Variants in GRIK4 observed in about 807,000 individuals in gnomAD.
GRIK4 encodes glutamate receptor ionotropic, kainate 4.
Under a neutral mutation model 104.9 loss-of-function variants are expected in GRIK4, and 40 were observed. The ratio of observed to expected loss-of-function variants is 0.38; its 90% CI spans 0.30 to 0.50. The LOEUF (loss-of-function observed/expected upper bound fraction) is 0.50, where lower values mean the gene tolerates loss of function less well. GRIK4 is among the 20% of genes least tolerant of loss of function. The probability of loss-of-function intolerance (pLI) is 0.93; values close to 1 mark genes in which losing one functional copy is unlikely to be tolerated. For synonymous variants in GRIK4, 485 were observed against 524.9 expected, an observed-to-expected ratio of 0.92 and a Z score of 1.04; for missense variants, 1,047 against 1,308.1, an observed-to-expected ratio of 0.80 and a Z score of 3.08.
At position 120,770,676 on chromosome 11, in the gene GRIK4, C is replaced by G. The variant is rs183454613; in HGVS notation, c.83-32017C>G. Among the ~76,000 whole-genome samples, 249 of 152,300 alleles carry G rather than the reference C, an allele frequency of 1.6e-3. 1 individual carries two copies. Among genetic ancestry groups the G allele is most frequent in the African/African-American group, 5.7e-3 (237 of 41,572 alleles). ...AGTGCCATGGTCTCAATGTTTGTGT[C>G]TGCCCCGCCCCTGCCAAACTCATGT... On this transcript the variant is annotated intron_variant, in intron 3 of 20. Coordinates refer to ENST00000527524, the MANE Select transcript of GRIK4 (RefSeq NM_014619.5).
At chr11:120,751,857 C>G (rs181931687) in intron 3 of GRIK4, among the ~76,000 whole-genome samples, 2 of 152,260 alleles carry the variant, frequency 1.3e-5, no homozygotes, top group East Asian at 3.9e-4. Flanking sequence ...GGAAGCTTCT[C>G]CCGGTGAAGG....
chr11:120,874,366 C>T (rs1954711266), intron 10 of GRIK4, 148 bp downstream of exon 10: 3 of 636,832 alleles, frequency 4.7e-6, no homozygotes, highest in Admixed American at 2.8e-5. Flanking sequence ...TCTGGTGACC[C>T]CAGTTGAATG....
At chr11:120,817,372 G>A (rs901764712) in intron 5 of GRIK4, among the ~76,000 whole-genome samples, 2 of 152,292 alleles carry the variant, frequency 1.3e-5, no homozygotes, top group South Asian at 2.1e-4. Context: ...GTGGCCAGAC[G>A]CTTACCCGCC....
Position 120,623,933 on chromosome 11 carries a change from C to T in GRIK4, c.-158-29752C>T, listed in dbSNP as rs79099875. On this transcript the variant is annotated intron_variant, in intron 1 of 20. Transcript: ENST00000527524. ...CTCTGGGCCCTCCCCGTTCCTCCTC[C>T]TCCTCCTCTTCCCCCTTACTCTTCT... 3.8e-4 allele frequency among the ~76,000 whole-genome samples: 57 copies of T among 151,868 alleles called. No individual in the cohort carries two copies. In the East Asian group the frequency reaches 0.011, roughly 29 times the overall value.
At position 120,940,105 on chromosome 11, in the gene GRIK4, T is replaced by A. The variant is rs182645366; in HGVS notation, c.1477-242T>A. Among the ~76,000 whole-genome samples, 159 of 152,328 alleles carry A rather than the reference T, an allele frequency of 1.0e-3. No individual in the cohort carries two copies. Among genetic ancestry groups the A allele is most frequent in the African/African-American group, 2.8e-3 (116 of 41,574 alleles). On this transcript the variant is annotated intron_variant, in intron 13 of 20. Transcript: ENST00000527524. This position sits in a 1 kb window ranked among gnomAD's most constrained non-coding sequence, Gnocchi z 4.3. ...GTCTGGTAGTGATACCCCCTGTTTTTAAAATTATTTATGTATTTAAAGGGA... is the reference window on the plus strand; with the variant it reads ...GTCTGGTAGTGATACCCCCTGTTTTAAAAATTATTTATGTATTTAAAGGGA...
At chr11:120,677,203 C>T (rs10502240) in intron 3 of GRIK4, among the ~76,000 whole-genome samples, 23,703 of 152,148 alleles carry the variant, frequency 0.16, 2,010 homozygotes, top group South Asian at 0.23. Context: ...TTAGTAATCT[C>T]GCCACTCCTA....
intron 1 of GRIK4, among the ~76,000 whole-genome samples, chr11:120,580,239 CTTT>C (rs766004106): frequency 0.032 from 4,495 of 139,454 alleles, 260 homozygotes; most frequent in African/African-American, 0.12. Context: ...TTCTTTCTTT[CTTT>C]CTTTCTTTCT....
chr11:120,784,467 T>G (rs1444011892), intron 3 of GRIK4, among the ~76,000 whole-genome samples: 1 of 152,156 alleles, frequency 6.6e-6, no homozygotes, highest in Non-Finnish European at 1.5e-5. Flanking sequence ...CTTGGTGTGG[T>G]CAGACCTCTG....
Position 120,672,232 on chromosome 11 carries a change from A to G in GRIK4, c.82+11832A>G, listed in dbSNP as rs565271924. On this transcript the variant is annotated intron_variant, in intron 3 of 20. Coordinates refer to ENST00000527524, the MANE Select transcript of GRIK4 (RefSeq NM_014619.5). ...GGAGTTTGAGACCAGCTTGGTCAAC[A>G]TGGTGAAACCCCGTCTCTACTAAAA... 3.3e-3 allele frequency among the ~76,000 whole-genome samples: 498 copies of G among 152,264 alleles called. 2 individuals carry two copies. Among genetic ancestry groups the G allele is most frequent in the African/African-American group, 0.012 (478 of 41,546 alleles).
At chr11:120,727,126 A>G (rs1333026162) in intron 3 of GRIK4, among the ~76,000 whole-genome samples, 1 of 152,202 alleles carries the variant, frequency 6.6e-6, no homozygotes, top group East Asian at 1.9e-4. Context: ...TAGGAACTGC[A>G]GTTGGGAGGG....
At chr11:120,806,539 C>A (rs1490693692) in intron 4 of GRIK4, among the ~76,000 whole-genome samples, 1 of 152,188 alleles carries the variant, frequency 6.6e-6, no homozygotes, top group East Asian at 1.9e-4. Flanking sequence ...CACCCTGTGG[C>A]CAGGGACTCT....
At chr11:120,547,539 G>A (rs964318829) in intron 1 of GRIK4, among the ~76,000 whole-genome samples, 1 of 152,066 alleles carries the variant, frequency 6.6e-6, no homozygotes, top group Non-Finnish European at 1.5e-5. Flanking sequence ...GTGTTTGAGG[G>A]GTTGGCACCA....
At chr11:120,776,832 T>G (rs1276700170) in intron 3 of GRIK4, among the ~76,000 whole-genome samples, 1 of 152,160 alleles carries the variant, frequency 6.6e-6, no homozygotes, top group East Asian at 1.9e-4. Context: ...TCCATAGGCC[T>G]CTTCACAGCA....
intron 3 of GRIK4, among the ~76,000 whole-genome samples, chr11:120,781,931 G>A (rs570448519): frequency 1.2e-3 from 184 of 152,158 alleles, no homozygotes; most frequent in African/African-American, 3.7e-3. Context: ...CACTCCAGCC[G>A]CTGAACGCCA....
intron 3 of GRIK4, among the ~76,000 whole-genome samples, chr11:120,801,337 T>C (rs1952617920): frequency 6.6e-6 from 1 of 152,186 alleles, no homozygotes; most frequent in South Asian, 2.1e-4. Flanking sequence ...GTGATTCTCC[T>C]ACCTCAGCCT....
At chr11:120,765,087 G>A (rs1439723145) in intron 3 of GRIK4, among the ~76,000 whole-genome samples, 1 of 152,058 alleles carries the variant, frequency 6.6e-6, no homozygotes, top group Non-Finnish European at 1.5e-5. Flanking sequence ...TCACTTTCAG[G>A]TACACCAATC....
intron 1 of GRIK4, among the ~76,000 whole-genome samples, chr11:120,534,600 A>G (rs1173427298): frequency 2.6e-5 from 4 of 152,130 alleles, no homozygotes; most frequent in African/African-American, 9.7e-5. Context: ...CCCAGGTAGA[A>G]TGGGGGATAG....
chr11:120,528,260 C>T (rs1028639702), intron 1 of GRIK4, among the ~76,000 whole-genome samples: 22 of 151,988 alleles, frequency 1.4e-4, no homozygotes, highest in East Asian at 9.6e-4. Context: ...TACAGGTGCC[C>T]GCCACCACGC....
At chr11:120,973,065 G>A (rs1944502460) in intron 19 of GRIK4, among the ~76,000 whole-genome samples, 1 of 152,066 alleles carries the variant, frequency 6.6e-6, no homozygotes, top group South Asian at 2.1e-4. Context: ...GGAAGAAGAG[G>A]GAATGGAGAA....
Sources: allele counts gnomAD v4.1 joint callset (sites outside exome capture counted in the v4.1 genomes callset), GRCh38; gene constraint gnomAD v4.1.1; non-coding constraint Gnocchi (gnomAD v3.1); transcripts MANE v1.5; gene names NCBI Gene and HGNC (gene_info 2026-07-23, HGNC 2026-07-21).